The following PJA2 variants were observed in gnomAD, a reference collection of about 807,000 sequenced individuals.
PJA2 encodes the protein praja ring finger ubiquitin ligase 2, also known as E3 ubiquitin-protein ligase Praja-2.
In PJA2, 25 loss-of-function variants were observed where a neutral mutation model predicts 69.3. That is an observed-to-expected ratio of 0.36 (90% CI 0.26 to 0.50). The LOEUF is 0.50. Ranked by LOEUF, PJA2 falls within the 20% of genes least tolerant of loss-of-function variation. The pLI is 0.96. For synonymous variants in PJA2, 308 were observed against 277.8 expected, an observed-to-expected ratio of 1.11 and a Z score of -1.08; for missense variants, 809 against 830.2, an observed-to-expected ratio of 0.97 and a Z score of 0.31.
intron 1 of PJA2, among the ~76,000 whole-genome samples, chr5:109,400,066 G>T (rs953106290): frequency 6.6e-6 from 1 of 152,074 alleles, no homozygotes; most frequent in Non-Finnish European, 1.5e-5. Flanking sequence ...AAGATGGGTG[G>T]ATCACTTTAG....
At chr5:109,338,497 G>A (rs780391663) in intron 9 of PJA2, among the ~76,000 whole-genome samples, 7 of 151,850 alleles carry the variant, frequency 4.6e-5, no homozygotes, top group African/African-American at 7.3e-5. Flanking sequence ...AAAATTAGCT[G>A]AGCGTTGCAG....
In PJA2 at chr5:109,381,445, T is replaced by G. The variant is rs1028145275; in HGVS notation, c.232+58A>C. On this transcript the variant is annotated intron_variant, in intron 3 of 9. Coordinates refer to ENST00000361189, the MANE Select transcript of PJA2 (RefSeq NM_014819.5). ...CATAATACCCACCCAAAAATTTAAT[T>G]ATAAGATCAATTCCTATATAACTAT... 2.7e-6 allele frequency: 4 copies of G among 1,461,988 alleles called. No homozygotes were observed. The African/African-American group carries it at 4.2e-5, about 16-fold the overall frequency. 90.6% of individuals were successfully genotyped at this position (1,461,988 alleles called of 1,614,324 possible).
chr5:109,377,981 AACTT>A (rs1459758465), intron 4 of PJA2, among the ~76,000 whole-genome samples: 1 of 152,236 alleles, frequency 6.6e-6, no homozygotes, highest in African/African-American at 2.4e-5. Context: ...TCATTATCTG[AACTT>A]ACTTCTGTAA....
chr5:109,348,313 C>T (rs1195127764), intron 7 of PJA2, among the ~76,000 whole-genome samples: 1 of 152,152 alleles, frequency 6.6e-6, no homozygotes, highest in African/African-American at 2.4e-5. Context: ...AGAAAGCATC[C>T]ACGACAGCCC....
chr5:109,383,633 G>T, intron 1 of PJA2, 113 bp from the exon 2 acceptor site: 1 of 469,760 alleles, frequency 2.1e-6, no homozygotes, highest in Non-Finnish European at 3.8e-6. Flanking sequence ...AAAATACAAT[G>T]TGATGTAGCC....
chr5:109,340,490 G>C (rs62375613), intron 9 of PJA2, among the ~76,000 whole-genome samples: 35,072 of 151,502 alleles, frequency 0.23, 5,690 homozygotes, highest in African/African-American at 0.46. Context: ...ATTTGGGAAA[G>C]TGACTTGGGA....
chr5:109,395,730 G>C lies in PJA2; in HGVS notation c.-87-12210C>G, dbSNP rs184489724. ...AAATCTTCATGAACTAGCCAGACAAGGCTCATGCCTGTAATCCCAGCACTT... is the reference window on the plus strand; with the variant it reads ...AAATCTTCATGAACTAGCCAGACAACGCTCATGCCTGTAATCCCAGCACTT... On this transcript the variant is annotated intron_variant, in intron 1 of 9. Transcript: ENST00000361189. 2.8e-4 allele frequency among the ~76,000 whole-genome samples: 43 copies of C among 152,228 alleles called. No individual in the cohort carries two copies. In the East Asian group the frequency reaches 7.7e-3, roughly 27 times the overall value.
chr5:109,370,326 T>C (rs1293458912), intron 4 of PJA2, among the ~76,000 whole-genome samples: 1 of 152,168 alleles, frequency 6.6e-6, no homozygotes, highest in Admixed American at 6.5e-5. Context: ...GGTAGGAAAT[T>C]ACATTTTTTA....
intron 1 of PJA2, among the ~76,000 whole-genome samples, chr5:109,403,918 A>C (rs1747621353): frequency 1.3e-5 from 2 of 152,058 alleles, no homozygotes; most frequent in South Asian, 4.1e-4. Context: ...AAAATACAAA[A>C]AAGTTAGCCA....
At chr5:109,392,416 C>T (rs1342559512) in intron 1 of PJA2, among the ~76,000 whole-genome samples, 1 of 151,852 alleles carries the variant, frequency 6.6e-6, no homozygotes, top group South Asian at 2.1e-4. Flanking sequence ...CAAAAATTTG[C>T]CGCGCATGGT....
intron 1 of PJA2, among the ~76,000 whole-genome samples, chr5:109,394,223 T>G (rs913460353): frequency 3.9e-5 from 6 of 151,964 alleles, no homozygotes; most frequent in Middle Eastern, 3.4e-3. Flanking sequence ...AATTTTTGTA[T>G]TTTTAGTAGA....
chr5:109,375,813 G>C (rs1746865496), intron 4 of PJA2, among the ~76,000 whole-genome samples: 1 of 152,146 alleles, frequency 6.6e-6, no homozygotes, highest in South Asian at 2.1e-4. Flanking sequence ...CTAAATAGGA[G>C]TGTACAGCTA....
intron 1 of PJA2, among the ~76,000 whole-genome samples, chr5:109,397,688 T>C (rs1057089052): frequency 1.3e-5 from 2 of 151,586 alleles, no homozygotes; most frequent in African/African-American, 2.4e-5. Flanking sequence ...CCAGATATTT[T>C]TTGTTTTTTT....
rs763547918 is a variant in PJA2 at position 109,368,731 on chromosome 5, A to T, written c.1299T>A (p.Asp433Glu). 3.7e-6 allele frequency: 6 copies of T among 1,613,104 alleles called. No individual in the cohort carries two copies. The South Asian group carries it at 6.6e-5, about 18-fold the overall frequency. The change falls in exon 5 of 10, where the codon GAT becomes GAA. Residue 433 changes from aspartate to glutamate, a missense_variant. This residue lies in a region of PJA2 where 700 missense variants were observed against 639.5 expected (regional missense o/e 1.09). Coordinates refer to ENST00000361189, the MANE Select transcript of PJA2 (RefSeq NM_014819.5). ...DKDEDSSECS[D>E]GEWSASLPHR... is the part of the protein sequence containing the mutation. ...GAGGCAAAGAAGCAGACCATTCCCCATCACTGCATTCAGAACTGCAAATCA... is the reference window on the plus strand; with the variant it reads ...GAGGCAAAGAAGCAGACCATTCCCCTTCACTGCATTCAGAACTGCAAATCA...
At chr5:109,379,677 A>T (rs1400674759) in intron 3 of PJA2, among the ~76,000 whole-genome samples, 1 of 152,212 alleles carries the variant, frequency 6.6e-6, no homozygotes, top group East Asian at 1.9e-4. Flanking sequence ...AAAAACCTTC[A>T]AAAGTACTTA....
intron 1 of PJA2, among the ~76,000 whole-genome samples, chr5:109,404,845 T>C (rs921415518): frequency 7.2e-5 from 11 of 152,194 alleles, no homozygotes; most frequent in Admixed American, 3.3e-4. Context: ...TCTATCACAC[T>C]CAATAATGAA....
intron 4 of PJA2, among the ~76,000 whole-genome samples, chr5:109,372,049 T>A (rs533475686): frequency 1.3e-5 from 2 of 152,332 alleles, no homozygotes; most frequent in Admixed American, 1.3e-4. Context: ...AACATTTTTT[T>A]AAACTCAAAT....
chr5:109,406,604 AAC>A (rs1393619005), intron 1 of PJA2, among the ~76,000 whole-genome samples: 1 of 152,210 alleles, frequency 6.6e-6, no homozygotes, highest in Non-Finnish European at 1.5e-5. Flanking sequence ...CACTCTGGAA[AAC>A]AGTTTGGCAG....
intron 1 of PJA2, among the ~76,000 whole-genome samples, chr5:109,401,808 T>C (rs933490351): frequency 2.0e-5 from 3 of 152,328 alleles, no homozygotes; most frequent in East Asian, 1.9e-4. Flanking sequence ...TCAATTTTAA[T>C]TTAACTTGTA....
Sources: gnomAD v4.1 joint callset for allele counts (sites outside exome capture counted in the v4.1 genomes callset) on GRCh38, gnomAD v4.1.1 for gene constraint, gnomAD v4.1.1 regional missense constraint, MANE v1.5 for transcripts, NCBI Gene and HGNC (gene_info 2026-07-23, HGNC 2026-07-21) for gene names.